NCKAP5: variants seen among roughly 807,000 people sequenced by gnomAD.
NCKAP5 encodes the protein NCK associated protein 5.
A neutral mutation model predicts 167.0 loss-of-function variants in NCKAP5; 92 were observed. That is an observed-to-expected ratio of 0.55 (90% CI 0.47 to 0.66). The LOEUF is 0.66. NCKAP5 is among the 30% of genes least tolerant of loss of function. NCKAP5 has a pLI of 0.00. For synonymous variants in NCKAP5, 891 were observed against 877.4 expected (o/e 1.02, Z -0.27); for missense variants, 2,378 against 2,315.0 (o/e 1.03, Z -0.56).
At chr2:133,334,581 C>T (rs1054866981) in intron 3 of NCKAP5, among the ~76,000 whole-genome samples, 1 of 152,160 alleles carries the variant, frequency 6.6e-6, no homozygotes, top group African/African-American at 2.4e-5. Flanking sequence ...CATGCTCCTT[C>T]TGTCCCTCAG....
At chr2:133,424,323 A>T (rs1689659601) in intron 3 of NCKAP5, among the ~76,000 whole-genome samples, 1 of 152,176 alleles carries the variant, frequency 6.6e-6, no homozygotes, top group Non-Finnish European at 1.5e-5. Flanking sequence ...CAGTGCCAAC[A>T]CCAGAAAAGT....
At chr2:133,340,578 G>C (rs1683508013) in intron 3 of NCKAP5, among the ~76,000 whole-genome samples, 1 of 152,122 alleles carries the variant, frequency 6.6e-6, no homozygotes, top group Admixed American at 6.6e-5. Context: ...GCATAAGAAA[G>C]AGGAGACGAG....
intron 6 of NCKAP5, among the ~76,000 whole-genome samples, chr2:133,026,991 G>C (rs541079903): frequency 6.6e-6 from 1 of 152,118 alleles, no homozygotes; most frequent in Non-Finnish European, 1.5e-5. Context: ...ATTCCAATGC[G>C]CCCTTACAAA....
chr2:133,629,531 G>A, the NCKAP5 span, among the ~76,000 whole-genome samples: 1 of 152,030 alleles, frequency 6.6e-6, no homozygotes, highest in Non-Finnish European at 1.5e-5. Flanking sequence ...ACTCTTGGTG[G>A]GAATGTAAAT....
intron 3 of NCKAP5, among the ~76,000 whole-genome samples, chr2:133,388,989 G>A (rs922605019): frequency 6.6e-6 from 1 of 152,236 alleles, no homozygotes; most frequent in African/African-American, 2.4e-5. Context: ...CTTCCCAGGT[G>A]AGGTGATGCC....
At chr2:133,337,632 T>C (rs1290150364) in intron 3 of NCKAP5, among the ~76,000 whole-genome samples, 3 of 152,026 alleles carry the variant, frequency 2.0e-5, no homozygotes, top group African/African-American at 4.8e-5. Context: ...GAGAGACAAG[T>C]GGATGCACAG....
At chr2:133,411,558 A>G (rs1688775616) in intron 3 of NCKAP5, among the ~76,000 whole-genome samples, 1 of 152,162 alleles carries the variant, frequency 6.6e-6, no homozygotes, top group Non-Finnish European at 1.5e-5. Flanking sequence ...TTTGGTTAGG[A>G]TACGTGGAGA....
chr2:133,002,421 G>T (rs6708815), intron 6 of NCKAP5, among the ~76,000 whole-genome samples: 257 of 152,230 alleles, frequency 1.7e-3, no homozygotes, highest in African/African-American at 5.8e-3. Context: ...TGTAAATGTG[G>T]TCTCTCCCTC....
At chr2:133,128,658 C>T (rs1370119492) in intron 6 of NCKAP5, among the ~76,000 whole-genome samples, 1 of 151,586 alleles carries the variant, frequency 6.6e-6, no homozygotes, top group Admixed American at 6.6e-5. Flanking sequence ...AGTGCAGTGG[C>T]GCAATCTCGG....
At chr2:133,634,414 T>C in the NCKAP5 span, among the ~76,000 whole-genome samples, 1 of 152,194 alleles carries the variant, frequency 6.6e-6, no homozygotes, top group Non-Finnish European at 1.5e-5. Flanking sequence ...GTTAGTTGTA[T>C]TGGAAAAATG....
intron 6 of NCKAP5, among the ~76,000 whole-genome samples, chr2:133,107,023 C>G (rs986789577): frequency 3.9e-5 from 6 of 152,130 alleles, no homozygotes; most frequent in African/African-American, 1.4e-4. Flanking sequence ...TTAGCCTGCT[C>G]CACTGATGCC....
chr2:133,335,132 A>G (rs1381870476), intron 3 of NCKAP5, among the ~76,000 whole-genome samples: 1 of 152,164 alleles, frequency 6.6e-6, no homozygotes, highest in East Asian at 1.9e-4. Context: ...AAATCTAGAC[A>G]CGGAGCAGTA....
chr2:132,773,763 G>A, intron 16 of NCKAP5, 53 bp downstream of exon 16: 1 of 1,370,586 alleles, frequency 7.3e-7, no homozygotes, highest in Non-Finnish European at 1.0e-6. Context: ...CTGGAAGAAG[G>A]ATACATTTAG....
At chr2:133,637,864 G>A in the NCKAP5 span, among the ~76,000 whole-genome samples, 1 of 151,962 alleles carries the variant, frequency 6.6e-6, no homozygotes, top group Non-Finnish European at 1.5e-5. Context: ...TTTAGATTCA[G>A]GAAATAGAAA....
chr2:132,980,511 A>G (rs769522978), intron 7 of NCKAP5, among the ~76,000 whole-genome samples: 71 of 152,156 alleles, frequency 4.7e-4, no homozygotes, highest in Admixed American at 2.2e-3. Context: ...CATGCTTGCA[A>G]GATATGGGAC....
At chr2:133,626,355 G>A in the NCKAP5 span, among the ~76,000 whole-genome samples, 1 of 152,070 alleles carries the variant, frequency 6.6e-6, no homozygotes, top group African/African-American at 2.4e-5. Flanking sequence ...GAATACAGGG[G>A]CAGAGAAATA....
Position 133,300,008 on chromosome 2 carries a change from A to T in NCKAP5, c.143+3029T>A, listed in dbSNP as rs564089280. ...GAGAATACTACAAACACCTCTACGC[A>T]AATAAACTAGAAAATCTAGAAGAAA... On this transcript the variant is annotated intron_variant, in intron 4 of 19. Transcript: ENST00000409261. Among the ~76,000 whole-genome samples the T allele has an allele frequency of 2.0e-5, 3 of 147,290 alleles. No homozygotes were observed. The South Asian group carries it at 6.7e-4, about 33-fold the overall frequency.
chr2:132,945,690 A>G (rs1697664756), intron 8 of NCKAP5, among the ~76,000 whole-genome samples: 1 of 152,212 alleles, frequency 6.6e-6, no homozygotes, highest in Non-Finnish European at 1.5e-5. Flanking sequence ...AAGAAAAAGA[A>G]GTGCCTCTTA....
At chr2:132,828,285 C>T (rs1465868822) in intron 11 of NCKAP5, among the ~76,000 whole-genome samples, 4 of 152,124 alleles carry the variant, frequency 2.6e-5, no homozygotes, top group Non-Finnish European at 4.4e-5. Flanking sequence ...TGTGTCCCTG[C>T]CCAAACCTCA....
Sources: allele counts gnomAD v4.1 joint callset (sites outside exome capture counted in the v4.1 genomes callset), GRCh38; gene constraint gnomAD v4.1.1; transcripts MANE v1.5; gene names NCBI Gene and HGNC (gene_info 2026-07-23, HGNC 2026-07-21).